The following PLAT variants were observed in gnomAD, a reference collection of about 807,000 sequenced individuals.
The protein encoded by PLAT is tissue-type plasminogen activator.
In PLAT, 48 loss-of-function variants were observed where a neutral mutation model predicts 74.9. That is an observed-to-expected ratio of 0.64 (90% CI 0.51 to 0.82). The LOEUF is 0.82. PLAT is among the 40% of genes least tolerant of loss of function. PLAT has a pLI of 0.00. For missense variants in PLAT, 673 were observed against 736.2 expected (o/e 0.91, Z 0.99); for synonymous variants, 307 against 294.4 (o/e 1.04, Z -0.44).
chr8:42,182,239 G>A (rs1805277706), intron 8 of PLAT: 1 of 456,094 alleles, frequency 2.2e-6, no homozygotes, highest in African/African-American at 2.0e-5. Context: ...CACATCACAG[G>A]CCATGTAAGA....
chr8:42,182,114 C>T, intron 8 of PLAT, 92 bp from the exon 9 acceptor site: 1 of 770,696 alleles, frequency 1.3e-6, no homozygotes, highest in South Asian at 1.5e-5. Flanking sequence ...CCAGGCTGGT[C>T]TTGAACTCCT....
intron 1 of PLAT, among the ~76,000 whole-genome samples, chr8:42,203,304 C>G (rs1336817765): frequency 6.6e-6 from 1 of 152,206 alleles, no homozygotes; most frequent in Non-Finnish European, 1.5e-5. Flanking sequence ...TCAGGAGCAT[C>G]GCGTGGTCAC....
intron 1 of PLAT, among the ~76,000 whole-genome samples, chr8:42,204,724 A>G (rs958993231): frequency 1.1e-4 from 16 of 151,728 alleles, no homozygotes; most frequent in East Asian, 3.9e-4. Flanking sequence ...AAAAAAAAAA[A>G]AAAAGAAAAG....
intron 1 of PLAT, among the ~76,000 whole-genome samples, chr8:42,202,822 G>A (rs1433825875): frequency 6.6e-6 from 1 of 152,188 alleles, no homozygotes; most frequent in Admixed American, 6.5e-5. Context: ...GGGGTGGTCA[G>A]GCAGGCTTTC....
intron 1 of PLAT, among the ~76,000 whole-genome samples, chr8:42,201,872 G>GA (rs1211367940): frequency 2.0e-5 from 3 of 152,206 alleles, no homozygotes; most frequent in Admixed American, 6.5e-5. Flanking sequence ...GAGCTTCCCA[G>GA]AAAAAAACCC....
intron 3 of PLAT, among the ~76,000 whole-genome samples, chr8:42,191,140 G>T (rs528298902): frequency 6.6e-6 from 1 of 152,112 alleles, no homozygotes; most frequent in Admixed American, 6.5e-5. Context: ...CTGGCTCCTT[G>T]GGGGGGAACA....
Position 42,178,965 on chromosome 8 carries a change from C to A in PLAT, c.1462G>T (p.Asp488Tyr), listed in dbSNP as rs534863394. 11 of 1,613,998 alleles carry A rather than the reference C, an allele frequency of 6.8e-6. No homozygotes were observed. In the Admixed American group the frequency reaches 1.5e-4, roughly 22 times the overall value. Residue 488 changes from aspartate to tyrosine, a missense_variant, in exon 13 of 14, where the codon GAC (aspartate) becomes TAC (tyrosine). Physicochemically the swap from Asp to Tyr is radical, Grantham distance 160 (BLOSUM62 -3). Transcript: ENST00000220809. ...SQHLLNRTVT[D>Y]NMLCAGDTRS... is the part of the protein sequence containing the mutation. ...GTGTCTCCAGCACACAGCATGTTGT[C>A]GGTGACTGTTCTGTTAAGTAAATGT...
At chr8:42,179,393 C>T (rs1212623641) in intron 12 of PLAT, among the ~76,000 whole-genome samples, 3 of 152,176 alleles carry the variant, frequency 2.0e-5, no homozygotes, top group Non-Finnish European at 4.4e-5. Flanking sequence ...TCACCCTAAA[C>T]TGTAACAACC....
At chr8:42,198,081 C>T (rs959468567) in intron 1 of PLAT, among the ~76,000 whole-genome samples, 1 of 152,178 alleles carries the variant, frequency 6.6e-6, no homozygotes, top group African/African-American at 2.4e-5. Context: ...GCCTGTAACC[C>T]CAGCACTTTG....
chr8:42,187,139 A>G, intron 6 of PLAT: 1 of 385,342 alleles, frequency 2.6e-6, no homozygotes, highest in Non-Finnish European at 4.7e-6. Flanking sequence ...TCATCTGTCT[A>G]TCTGTCATCC....
intron 12 of PLAT, among the ~76,000 whole-genome samples, chr8:42,179,422 C>T (rs1029944221): frequency 4.6e-5 from 7 of 152,180 alleles, no homozygotes; most frequent in African/African-American, 1.7e-4. Flanking sequence ...CTCCAGACCT[C>T]GCCAAACGTT....
intron 4 of PLAT, 155 bp from the exon 5 acceptor site, chr8:42,188,171 T>C: frequency 1.9e-6 from 1 of 530,874 alleles, no homozygotes; most frequent in Non-Finnish European, 3.3e-6. Flanking sequence ...AATACTGTTT[T>C]CATCCTGCCT....
chr8:42,194,084 G>A (rs60509865), intron 1 of PLAT, among the ~76,000 whole-genome samples: 1,388 of 117,408 alleles, frequency 0.012, 22 homozygotes, highest in African/African-American at 0.044. Context: ...ACTAGGTCTC[G>A]CTCTGTCATC....
Position 42,182,840 on chromosome 8 carries a change from T to C in PLAT, c.682A>G (p.Ser228Gly), listed in dbSNP as rs1469348626. 1.2e-6 allele frequency: 2 copies of C among 1,613,840 alleles called. No homozygotes were observed. The highest frequency in any genetic ancestry group is 4.5e-5 in the East Asian group (2 of 44,874). The change falls in exon 8 of 14, where the codon AGC (serine) becomes GGC (glycine). Residue 228 changes from serine (S) to glycine (G), a missense_variant. Transcript: ENST00000220809. Reference sequence around the variant, plus strand: ...CAGGAGGCACCCGACTCGGTGAGGCTGTGCGTGCCACGGTAGGCTGACCCA... The same window carrying C: ...CAGGAGGCACCCGACTCGGTGAGGCCGTGCGTGCCACGGTAGGCTGACCCA... Reference protein sequence around the residue: ...GNGSAYRGTHSLTESGASCLP... With the variant: ...GNGSAYRGTHGLTESGASCLP...
At chr8:42,184,548 CA>C (rs1805374974) in intron 7 of PLAT, 2 of 150,400 alleles carry the variant, frequency 1.3e-5, no homozygotes, top group Admixed American at 6.6e-5. Context: ...TTAGTAGAGA[CA>C]GGGTTTCACC....
intron 2 of PLAT, among the ~76,000 whole-genome samples, chr8:42,192,877 C>G (rs1805739025): frequency 6.6e-6 from 1 of 152,262 alleles, no homozygotes; most frequent in African/African-American, 2.4e-5. Context: ...ATTCCGCTTA[C>G]TCAGGTCAAA....
chr8:42,202,278 G>A (rs1439780197), intron 1 of PLAT, among the ~76,000 whole-genome samples: 8 of 150,372 alleles, frequency 5.3e-5, no homozygotes, highest in African/African-American at 4.9e-5. Flanking sequence ...CAAGCAACCC[G>A]CCCACCTCGG....
chr8:42,180,167 T>C, intron 11 of PLAT, 75 bp downstream of exon 11: 2 of 1,597,252 alleles, frequency 1.3e-6, no homozygotes, highest in Non-Finnish European at 1.7e-6. Context: ...GGCCCGTGTG[T>C]GTAAACATAG....
intron 7 of PLAT, chr8:42,184,639 C>T (rs1038597483): frequency 2.0e-5 from 3 of 150,838 alleles, no homozygotes; most frequent in African/African-American, 7.3e-5. Flanking sequence ...GGTTTATAGG[C>T]ATAAGCCACT....
Sources: gnomAD v4.1 joint callset for allele counts (sites outside exome capture counted in the v4.1 genomes callset) on GRCh38, gnomAD v4.1.1 for gene constraint, MANE v1.5 for transcripts, NCBI Gene and HGNC (gene_info 2026-07-23, HGNC 2026-07-21) for gene names.